The following JADE3 variants were observed in gnomAD, a reference collection of about 807,000 sequenced individuals.
JADE3 encodes the protein protein Jade-3.
A neutral mutation model predicts 50.1 loss-of-function variants in JADE3; 2 were observed. The observed-to-expected ratio is 0.04, with a 90% CI of 0.02 to 0.13. JADE3 has a LOEUF of 0.13. Ranked by LOEUF, JADE3 falls within the 10% of genes least tolerant of loss-of-function variation. JADE3 has a pLI of 1.00. For missense variants in JADE3, 475 were observed against 634.4 expected (o/e 0.75, Z 2.70); for synonymous variants, 218 against 232.9 (o/e 0.94, Z 0.58).
In JADE3 at chrX:47,038,654, TAA is replaced by T. The variant is rs567645944; in HGVS notation, c.856-278_856-277del. ...GAGTGACAGAGGGAGACCTTGTCTC[TAA>T]AAAAAAAAAAAAAAAAGAAGAAAGA... On this transcript the variant is annotated intron_variant, in intron 7 of 10. Coordinates refer to ENST00000614628, the MANE Select transcript of JADE3 (RefSeq NM_014735.5). 7.7e-3 allele frequency among the ~76,000 whole-genome samples: 563 copies of T among 73,041 alleles called. 4 individuals are homozygous for T. Among genetic ancestry groups the T allele is most frequent in the African/African-American group, 0.03 (537 of 18,049 alleles). 63.4% of individuals were successfully genotyped at this position (73,041 alleles called of 115,157 possible).
At chrX:46,914,484 G>A (rs1926039422) in intron 1 of JADE3, among the ~76,000 whole-genome samples, 1 of 111,119 alleles carries the variant, frequency 9.0e-6, no homozygotes, top group Admixed American at 9.5e-5. Context: ...AGTGAGCTCT[G>A]AGCTTAAATA....
intron 4 of JADE3, among the ~76,000 whole-genome samples, chrX:47,007,807 TTGTG>T (rs782728907): frequency 0.25 from 17,829 of 70,426 alleles, 2,083 homozygotes; most frequent in Middle Eastern, 0.44. Context: ...TCCTTTTATT[TTGTG>T]TGTGTGTGTG....
intron 1 of JADE3, among the ~76,000 whole-genome samples, chrX:46,943,107 C>G (rs192645751): frequency 8.9e-6 from 1 of 112,227 alleles, no homozygotes; most frequent in African/African-American, 3.2e-5. Flanking sequence ...TTGGAGAATT[C>G]TTTAGGGTTT....
intron 7 of JADE3, among the ~76,000 whole-genome samples, chrX:47,034,287 C>G (rs1485303238): frequency 9.0e-6 from 1 of 111,334 alleles, no homozygotes; most frequent in South Asian, 3.8e-4. Context: ...GAAAGATCCT[C>G]TATACCCACT....
rs879963316 is a variant in JADE3, at chrX:47,033,605, C to T, written c.688-16C>T. On this transcript the variant is annotated splice_polypyrimidine_tract_variant and intron_variant, in intron 6 of 10. Transcript: ENST00000614628. Reference sequence around the variant, plus strand: ...AAGGTGCTGACCATTCTCCCCTCTCCTCCTCATACCTCCAGGCCTGCTATG... The same window carrying T: ...AAGGTGCTGACCATTCTCCCCTCTCTTCCTCATACCTCCAGGCCTGCTATG... 4 of 1,192,988 alleles carry T rather than the reference C, an allele frequency of 3.4e-6. No homozygotes were observed. In the South Asian group the frequency reaches 7.5e-5, roughly 22 times the overall value.
Position 46,920,109 on chromosome X carries a change from G to T in JADE3, c.-12+7390G>T, listed in dbSNP as rs191319990. Among the ~76,000 whole-genome samples, 39 of 111,385 alleles carry T rather than the reference G, an allele frequency of 3.5e-4. No individual in the cohort carries two copies. The Admixed American group carries it at 3.5e-3, about 10-fold the overall frequency. ...ATGTGTTTTGAATTTTAAGCAATGT[G>T]AATATATTTTCTTATTTTAAAAGTT... On this transcript the variant is annotated intron_variant, in intron 1 of 10. Coordinates refer to ENST00000614628, the MANE Select transcript of JADE3 (RefSeq NM_014735.5).
At chrX:47,032,164 GC>G (rs1929032922) in intron 6 of JADE3, among the ~76,000 whole-genome samples, 1 of 111,748 alleles carries the variant, frequency 8.9e-6, no homozygotes, top group African/African-American at 3.3e-5. Flanking sequence ...CAAGTCAGAA[GC>G]CCTGTGTTTG....
chrX:46,960,255 G>A (rs941419895), intron 1 of JADE3, among the ~76,000 whole-genome samples: 1 of 104,335 alleles, frequency 9.6e-6, no homozygotes, highest in Non-Finnish European at 2.0e-5. Flanking sequence ...AAAAAAAAAT[G>A]TTATCATAGC....
chrX:46,943,989 G>T (rs189803316), intron 1 of JADE3, among the ~76,000 whole-genome samples: 3 of 111,124 alleles, frequency 2.7e-5, no homozygotes, highest in Admixed American at 9.6e-5. Context: ...TTTAGTTTGT[G>T]TGCATAGAGG....
At chrX:47,053,419 C>T (rs1309265536) in intron 8 of JADE3, among the ~76,000 whole-genome samples, 1 of 110,400 alleles carries the variant, frequency 9.1e-6, no homozygotes, top group Non-Finnish European at 1.9e-5. Context: ...CCACCATGCC[C>T]AGAAAGCTTT....
chrX:46,976,925 A>C (rs1556351760), intron 1 of JADE3, among the ~76,000 whole-genome samples: 1 of 112,051 alleles, frequency 8.9e-6, no homozygotes, highest in Non-Finnish European at 1.9e-5. Context: ...GGTGTCATCA[A>C]GCATCATGCT....
chrX:47,022,277 A>G (rs1476775244), intron 4 of JADE3, among the ~76,000 whole-genome samples: 1 of 112,299 alleles, frequency 8.9e-6, no homozygotes, highest in Non-Finnish European at 1.9e-5. Flanking sequence ...TTAGTTGGGT[A>G]TGTTTCAGTT....
intron 4 of JADE3, among the ~76,000 whole-genome samples, chrX:47,002,191 A>G (rs1928303515): frequency 9.0e-6 from 1 of 110,744 alleles, no homozygotes. Flanking sequence ...ACTTAGCTCT[A>G]TGTCTCAAAA....
rs1556374279 is a variant in JADE3 at position 47,059,004 on chromosome X, C to A, written c.2399C>A (p.Pro800His). 8.3e-7 allele frequency: 1 copy of A among 1,209,039 alleles called. No homozygotes were observed. The highest frequency in any genetic ancestry group is 1.1e-6 in the Non-Finnish European group (1 of 894,128). Residue 800 changes from proline to histidine, a missense_variant, in exon 11 of 11, where the codon CCC becomes CAC. Pro to His is a moderately conservative substitution (Grantham distance 77). Around this residue, in one of 6 missense-constraint regions of JADE3, gnomAD observed 243 missense variants for 238.2 expected, o/e 1.02. Coordinates refer to ENST00000614628, the MANE Select transcript of JADE3 (RefSeq NM_014735.5). ...RKDSSDRENP[P>H]HDSRRDCHGK... ...GATAGCTCAGACAGGGAAAATCCTC[C>A]CCATGACTCTAGACGGGATTGCCAT...
chrX:47,024,638 C>A, intron 4 of JADE3, 86 bp from the exon 5 acceptor site: 1 of 531,599 alleles, frequency 1.9e-6, no homozygotes, highest in Non-Finnish European at 3.0e-6. Context: ...TCTGCCATAC[C>A]TCCCAGAGGG....
intron 1 of JADE3, among the ~76,000 whole-genome samples, chrX:46,953,409 G>A (rs1378690860): frequency 1.8e-5 from 2 of 111,518 alleles, no homozygotes; most frequent in African/African-American, 6.5e-5. Flanking sequence ...CCGCATTCTG[G>A]CATTCTTTCT....
At chrX:47,008,220 T>C (rs1490244244) in intron 4 of JADE3, among the ~76,000 whole-genome samples, 1 of 111,424 alleles carries the variant, frequency 9.0e-6, no homozygotes, top group Non-Finnish European at 1.9e-5. Flanking sequence ...TCAACATAAA[T>C]GAAGAAAATG....
At chrX:46,954,673 G>C (rs1266116998) in intron 1 of JADE3, among the ~76,000 whole-genome samples, 3 of 111,322 alleles carry the variant, frequency 2.7e-5, no homozygotes, top group African/African-American at 9.8e-5. Context: ...TCCTACCTCA[G>C]CCTCCTGAGT....
At chrX:46,996,484 G>A (rs1928132906) in intron 3 of JADE3, among the ~76,000 whole-genome samples, 1 of 112,100 alleles carries the variant, frequency 8.9e-6, no homozygotes, top group Non-Finnish European at 1.9e-5. Context: ...ACATAAACGA[G>A]GTAGCTTAAA....
Sources: allele counts gnomAD v4.1 joint callset (sites outside exome capture counted in the v4.1 genomes callset), GRCh38; gene constraint gnomAD v4.1.1; regional missense constraint gnomAD v4.1.1; transcripts MANE v1.5; gene names NCBI Gene and HGNC (gene_info 2026-07-23, HGNC 2026-07-21).